Variants in GRM7 observed in about 807,000 individuals in gnomAD.
GRM7 encodes the protein metabotropic glutamate receptor 7.
A neutral mutation model predicts 84.5 loss-of-function variants in GRM7; 35 were observed. The ratio of observed to expected loss-of-function variants is 0.41; its 90% confidence interval spans 0.32 to 0.55. The LOEUF is 0.55. Among genes scored for constraint, GRM7 ranks in the 20% least tolerant of loss-of-function variants. The probability of loss-of-function intolerance (pLI) is 0.19; values close to 1 mark genes in which losing one functional copy is unlikely to be tolerated. For missense variants in GRM7, 1,003 were observed against 1,194.6 expected, an observed-to-expected ratio of 0.84 and a Z score of 2.36; for synonymous variants, 487 against 455.1, an observed-to-expected ratio of 1.07 and a Z score of -0.89.
chr3:7,641,209 T>G (rs540738390), intron 8 of GRM7, among the ~76,000 whole-genome samples: 1 of 152,308 alleles, frequency 6.6e-6, no homozygotes, highest in East Asian at 1.9e-4. Context: ...TTTTTACTTC[T>G]GGAATGTTAC....
chr3:7,340,583 G>A (rs922337703), intron 4 of GRM7, among the ~76,000 whole-genome samples: 3 of 152,112 alleles, frequency 2.0e-5, no homozygotes, highest in Non-Finnish European at 4.4e-5. Context: ...AGATTTGGGT[G>A]AAGACATGAC....
chr3:7,613,686 T>C (rs907784120), intron 8 of GRM7, among the ~76,000 whole-genome samples: 3 of 152,186 alleles, frequency 2.0e-5, no homozygotes, highest in Non-Finnish European at 4.4e-5. Context: ...TGGGCCTTAA[T>C]TTCCTCTCTA....
intron 4 of GRM7, among the ~76,000 whole-genome samples, chr3:7,369,894 A>G (rs1411070486): frequency 2.0e-5 from 3 of 152,182 alleles, no homozygotes; most frequent in African/African-American, 4.8e-5. Context: ...TCTGGTTTAC[A>G]GTATTTTTCT....
chr3:7,480,508 A>G (rs1455683820), intron 7 of GRM7, among the ~76,000 whole-genome samples: 3 of 152,236 alleles, frequency 2.0e-5, no homozygotes, highest in Non-Finnish European at 4.4e-5. Flanking sequence ...AAAGTCTGGC[A>G]TCGGCCCCAT....
At chr3:7,573,632 A>G (rs1436266815) in intron 7 of GRM7, among the ~76,000 whole-genome samples, 1 of 152,186 alleles carries the variant, frequency 6.6e-6, no homozygotes, top group Non-Finnish European at 1.5e-5. Context: ...TTGTCTCTCT[A>G]CTAGAGCCAG....
intron 1 of GRM7, among the ~76,000 whole-genome samples, chr3:7,025,460 T>G (rs1026851421): frequency 6.6e-5 from 10 of 152,224 alleles, no homozygotes; most frequent in Non-Finnish European, 1.2e-4. Flanking sequence ...TAGGTGACTA[T>G]AGAAATCCCA....
chr3:7,724,491 C>A (rs573990744), intron 9 of GRM7, among the ~76,000 whole-genome samples: 89 of 152,206 alleles, frequency 5.8e-4, no homozygotes, highest in Non-Finnish European at 9.7e-4. Context: ...ACTACTTTTT[C>A]CCGATTAGGT....
At chr3:7,406,747 A>G (rs919962647) in intron 4 of GRM7, among the ~76,000 whole-genome samples, 2 of 152,228 alleles carry the variant, frequency 1.3e-5, no homozygotes, top group Non-Finnish European at 2.9e-5. Flanking sequence ...TAATTTTTAA[A>G]ATCACCTAGT....
chr3:7,055,027 C>T (rs1255794158), intron 1 of GRM7, among the ~76,000 whole-genome samples: 1 of 151,938 alleles, frequency 6.6e-6, no homozygotes. Flanking sequence ...GTGTGTAAAT[C>T]TGGTCTCTTG....
In GRM7 at chr3:6,928,681, G is replaced by A. The variant is rs1208438323; in HGVS notation, c.519+66774G>A. 1.3e-5 allele frequency among the ~76,000 whole-genome samples: 2 copies of A among 152,158 alleles called. No homozygotes were observed. The highest frequency in any genetic ancestry group is 2.4e-5 in the African/African-American group (1 of 41,442). ...GAATCAATAGAAGCTTAGTTAAGCA[G>A]GTGATAATCTTCTCTTGGCCTCCAA... On this transcript the variant is annotated intron_variant, in intron 1 of 9. Transcript: ENST00000357716. This position sits in a 1 kb window ranked among gnomAD's most constrained non-coding sequence, Gnocchi z 4.5.
intron 4 of GRM7, among the ~76,000 whole-genome samples, chr3:7,359,183 A>G (rs1693549660): frequency 7.2e-6 from 1 of 138,720 alleles, no homozygotes; most frequent in South Asian, 2.2e-4. Flanking sequence ...TTTTAAAATA[A>G]CTTCTTTGCC....
chr3:7,707,635 A>G (rs940600300), intron 9 of GRM7, among the ~76,000 whole-genome samples: 1 of 152,208 alleles, frequency 6.6e-6, no homozygotes, highest in Non-Finnish European at 1.5e-5. Flanking sequence ...TATTTACAAA[A>G]CACCAGAAGA....
chr3:7,403,387 C>T (rs916998393), intron 4 of GRM7, among the ~76,000 whole-genome samples: 5 of 151,110 alleles, frequency 3.3e-5, no homozygotes, highest in African/African-American at 9.7e-5. Flanking sequence ...ACAATATCCA[C>T]GATCTGTGGA....
In GRM7 at chr3:6,862,537, A is replaced by T. The variant is rs1163450402; in HGVS notation, c.519+630A>T. Among the ~76,000 whole-genome samples the T allele has an allele frequency of 6.6e-6, 1 of 152,084 alleles. No individual in the cohort carries two copies. Among genetic ancestry groups the T allele is most frequent in the Non-Finnish European group, 1.5e-5 (1 of 68,016 alleles). On this transcript the variant is annotated intron_variant, in intron 1 of 9. Coordinates refer to ENST00000357716, the MANE Select transcript of GRM7 (RefSeq NM_000844.4). The surrounding 1 kb of genome is among the most constrained non-coding windows in gnomAD (Gnocchi z 5.2). ...GCTGGGACCTTCCTCAGGTGGAGAGATGCTGCCCGCAGACGTGACCCCCGG... is the reference window on the plus strand; with the variant it reads ...GCTGGGACCTTCCTCAGGTGGAGAGTTGCTGCCCGCAGACGTGACCCCCGG...
intron 6 of GRM7, among the ~76,000 whole-genome samples, chr3:7,457,389 A>T (rs1406930814): frequency 6.6e-6 from 1 of 152,198 alleles, no homozygotes; most frequent in Non-Finnish European, 1.5e-5. Context: ...AAATCAAAGC[A>T]AAGTCCCAAG....
Position 7,699,672 on chromosome 3 carries a change from T to C in GRM7, c.2698+19377T>C, listed in dbSNP as rs866126247. Reference sequence around the variant, plus strand: ...CTACTGGGTTTTTTTTATCATGTCATTGGGAAGGATTACAAAGAATTATTT... The same window carrying C: ...CTACTGGGTTTTTTTTATCATGTCACTGGGAAGGATTACAAAGAATTATTT... On this transcript the variant is annotated intron_variant, in intron 9 of 9. Coordinates refer to ENST00000357716, the MANE Select transcript of GRM7 (RefSeq NM_000844.4). Among the ~76,000 whole-genome samples the C allele has an allele frequency of 6.4e-4, 97 of 152,152 alleles. 1 individual carries two copies. Among genetic ancestry groups the C allele is most frequent in the African/African-American group, 2.1e-3 (86 of 41,426 alleles).
intron 9 of GRM7, among the ~76,000 whole-genome samples, chr3:7,713,795 CTTTTTTTTTTT>C (rs60007117): frequency 7.7e-5 from 5 of 64,744 alleles, no homozygotes; most frequent in Non-Finnish European, 1.2e-4. Context: ...CGGATGCTTT[CTTTTTTTTTTT>C]TTTTTTTTTT....
chr3:7,260,590 G>A (rs868392500), intron 2 of GRM7, among the ~76,000 whole-genome samples: 1 of 151,122 alleles, frequency 6.6e-6, no homozygotes, highest in Non-Finnish European at 1.5e-5. Flanking sequence ...GATCTTTCCT[G>A]TTTTCTTCTT....
At chr3:7,714,399 G>A (rs756016906) in intron 9 of GRM7, among the ~76,000 whole-genome samples, 11 of 152,156 alleles carry the variant, frequency 7.2e-5, no homozygotes, top group Non-Finnish European at 1.5e-4. Context: ...GTGCCAACAA[G>A]GCCAAGAGTG....
Sources: allele counts gnomAD v4.1 joint callset (sites outside exome capture counted in the v4.1 genomes callset), GRCh38; gene constraint gnomAD v4.1.1; non-coding constraint Gnocchi (gnomAD v3.1); transcripts MANE v1.5; gene names NCBI Gene and HGNC (gene_info 2026-07-23, HGNC 2026-07-21).